MGAT4C: variants seen among roughly 807,000 people sequenced by gnomAD.
MGAT4C encodes MGAT4 family member C.
In MGAT4C, 19 loss-of-function variants were observed where a neutral mutation model predicts 40.1. That is an observed-to-expected ratio of 0.47 (90% CI 0.33 to 0.70). MGAT4C has a LOEUF of 0.70. MGAT4C is among the 30% of genes least tolerant of loss of function. The pLI, the probability that MGAT4C is intolerant of heterozygous loss-of-function variation, is 0.02. For missense variants in MGAT4C, 491 were observed against 563.2 expected (o/e 0.87, Z 1.30); for synonymous variants, 181 against 187.1 (o/e 0.97, Z 0.27).
intron 2 of MGAT4C, among the ~76,000 whole-genome samples, chr12:86,038,623 A>G (rs1279747308): frequency 6.7e-6 from 1 of 148,218 alleles, no homozygotes; most frequent in Non-Finnish European, 1.5e-5. Context: ...TTGAGCTTAT[A>G]TGTGTCTTTG....
chr12:86,613,891 T>C (rs921028669), intron 2 of MGAT4C, among the ~76,000 whole-genome samples: 1 of 152,094 alleles, frequency 6.6e-6, no homozygotes, highest in African/African-American at 2.4e-5. Context: ...TTTTCTTTTC[T>C]AGCTCTCACA....
chr12:86,082,905 T>C (rs1871106786), intron 1 of MGAT4C, among the ~76,000 whole-genome samples: 1 of 152,050 alleles, frequency 6.6e-6, no homozygotes, highest in South Asian at 2.1e-4. Flanking sequence ...TCAGTGCCAA[T>C]GGAAAATGAC....
At chr12:86,592,125 C>A (rs74407810) in intron 2 of MGAT4C, among the ~76,000 whole-genome samples, 1,768 of 152,020 alleles carry the variant, frequency 0.012, 12 homozygotes, top group Non-Finnish European at 0.014. Context: ...AAATTAATAC[C>A]ATTTCATTTT....
chr12:86,462,474 T>G (rs1429105817), intron 2 of MGAT4C, among the ~76,000 whole-genome samples: 1 of 152,178 alleles, frequency 6.6e-6, no homozygotes, highest in Non-Finnish European at 1.5e-5. Context: ...ACCTTTGTAT[T>G]AGTCATGGTT....
At chr12:86,117,316 T>C (rs967063960) in intron 1 of MGAT4C, among the ~76,000 whole-genome samples, 1 of 152,160 alleles carries the variant, frequency 6.6e-6, no homozygotes, top group African/African-American at 2.4e-5. Context: ...TGTGAGAGTG[T>C]ATCAGGGATT....
At chr12:86,769,029 A>C (rs896008666) in intron 1 of MGAT4C, among the ~76,000 whole-genome samples, 3 of 151,624 alleles carry the variant, frequency 2.0e-5, no homozygotes, top group Non-Finnish European at 4.4e-5. Context: ...GGATCTAATT[A>C]AACGAAAGAG....
intron 2 of MGAT4C, among the ~76,000 whole-genome samples, chr12:86,624,978 T>A (rs1018852915): frequency 3.3e-5 from 5 of 151,936 alleles, no homozygotes; most frequent in Non-Finnish European, 4.4e-5. Context: ...CAGGGAGGGA[T>A]CTGGTGGGAG....
intron 1 of MGAT4C, among the ~76,000 whole-genome samples, chr12:86,202,719 T>C (rs1950095608): frequency 6.6e-6 from 1 of 152,116 alleles, no homozygotes; most frequent in Non-Finnish European, 1.5e-5. Flanking sequence ...ATCATGTCTA[T>C]TGACCTGTCA....
intron 4 of MGAT4C, among the ~76,000 whole-genome samples, chr12:86,293,743 C>A (rs1360331940): frequency 6.6e-6 from 1 of 152,140 alleles, no homozygotes; most frequent in Non-Finnish European, 1.5e-5. Context: ...GTAATTAGAT[C>A]ATGTTCTCAT....
At chr12:86,814,166 A>C (rs897828427) in intron 1 of MGAT4C, among the ~76,000 whole-genome samples, 2 of 151,654 alleles carry the variant, frequency 1.3e-5, no homozygotes, top group Non-Finnish European at 2.9e-5. Flanking sequence ...ATATATTTCT[A>C]AGCACTGTTA....
chr12:85,982,370 G>A (rs1884701332), intron 4 of MGAT4C, among the ~76,000 whole-genome samples: 2 of 152,216 alleles, frequency 1.3e-5, no homozygotes, highest in South Asian at 4.1e-4. Flanking sequence ...TGTACTTTTA[G>A]TAGAGAAGGG....
chr12:86,112,522 A>C (rs758244704), intron 1 of MGAT4C, among the ~76,000 whole-genome samples: 1 of 151,754 alleles, frequency 6.6e-6, no homozygotes, highest in African/African-American at 2.4e-5. Context: ...TAAAGCATCT[A>C]TTATATGCCT....
Position 86,197,260 on chromosome 12 carries a change from T to A in MGAT4C, c.-57+58979A>T, listed in dbSNP as rs573611540. Among the ~76,000 whole-genome samples, 90 of 152,354 alleles carry A rather than the reference T, an allele frequency of 5.9e-4. 1 individual carries two copies. The highest frequency in any genetic ancestry group is 5.4e-3 in the Admixed American group (82 of 15,298). ...TACCAATATTCTGTTTAGGATAATATAAGTATTCTCTAAGATGAGACATTT... is the reference window on the plus strand; with the variant it reads ...TACCAATATTCTGTTTAGGATAATAAAAGTATTCTCTAAGATGAGACATTT... On this transcript the variant is annotated intron_variant, in intron 1 of 4. Coordinates refer to ENST00000611864, the MANE Select transcript of MGAT4C (RefSeq NM_001351288.2).
At chr12:86,199,325 T>A (rs2135927634) in intron 1 of MGAT4C, among the ~76,000 whole-genome samples, 1 of 151,992 alleles carries the variant, frequency 6.6e-6, no homozygotes, top group East Asian at 1.9e-4. Flanking sequence ...AAAGGAAGGA[T>A]CCAGGGTAAT....
chr12:86,015,252 A>AGT (rs1565861849), intron 2 of MGAT4C, among the ~76,000 whole-genome samples: 2 of 138,752 alleles, frequency 1.4e-5, no homozygotes, highest in African/African-American at 5.7e-5. Context: ...CTTTTGCACC[A>AGT]ATGTGTGTGT....
chr12:86,634,062 T>G (rs1021265677), intron 2 of MGAT4C, among the ~76,000 whole-genome samples: 1 of 152,202 alleles, frequency 6.6e-6, no homozygotes, highest in Non-Finnish European at 1.5e-5. Flanking sequence ...AAGTATATAC[T>G]GAAGATATGA....
chr12:86,217,993 T>C, intron 1 of MGAT4C, among the ~76,000 whole-genome samples: 1 of 152,112 alleles, frequency 6.6e-6, no homozygotes, highest in Non-Finnish European at 1.5e-5. Context: ...AAATTTAGTA[T>C]TAATATCAAA....
At chr12:86,511,310 A>G (rs1401404370) in intron 2 of MGAT4C, among the ~76,000 whole-genome samples, 2 of 152,202 alleles carry the variant, frequency 1.3e-5, no homozygotes, top group Non-Finnish European at 2.9e-5. Context: ...AAGACACAAC[A>G]TACCAGAATC....
At chr12:86,610,011 T>C (rs765054688) in intron 2 of MGAT4C, among the ~76,000 whole-genome samples, 1 of 152,220 alleles carries the variant, frequency 6.6e-6, no homozygotes, top group East Asian at 1.9e-4. Flanking sequence ...AACCTGGTCA[T>C]GGTCTAGGTT....
Sources: allele counts gnomAD v4.1 joint callset (sites outside exome capture counted in the v4.1 genomes callset), GRCh38; gene constraint gnomAD v4.1.1; transcripts MANE v1.5; gene names NCBI Gene and HGNC (gene_info 2026-07-23, HGNC 2026-07-21).